The following FGF1 variants were observed in gnomAD, a reference collection of about 807,000 sequenced individuals.
FGF1 encodes fibroblast growth factor 1.
FGF1 carries 9 observed loss-of-function variants against 13.4 expected under a neutral mutation model. That is an observed-to-expected ratio of 0.67 (90% CI 0.40 to 1.17). The LOEUF is 1.17. Among genes scored for constraint, FGF1 ranks in the 50% most tolerant of loss-of-function variants. The pLI is 0.01. For synonymous variants in FGF1, 93 were observed against 79.0 expected, an observed-to-expected ratio of 1.18 and a Z score of -0.94; for missense variants, 156 against 192.7, an observed-to-expected ratio of 0.81 and a Z score of 1.13.
rs190989412 is a variant in FGF1 at position 142,609,807 on chromosome 5, G to A, written c.169+4152C>T. ...AACATTATCACATTAAAACTCCTACGTTCCTATGAGTGGGTGCTGTTGTCA... is the reference window on the plus strand; with the variant it reads ...AACATTATCACATTAAAACTCCTACATTCCTATGAGTGGGTGCTGTTGTCA... On this transcript the variant is annotated intron_variant, in intron 2 of 3. Coordinates refer to ENST00000337706, the MANE Select transcript of FGF1 (RefSeq NM_000800.5). 7.0e-4 allele frequency among the ~76,000 whole-genome samples: 106 copies of A among 152,230 alleles called. 1 individual carries two copies. In the South Asian group the frequency reaches 7.5e-3, roughly 11 times the overall value.
At chr5:142,623,485 A>G (rs1761982087) in intron 1 of FGF1, among the ~76,000 whole-genome samples, 2 of 151,972 alleles carry the variant, frequency 1.3e-5, no homozygotes, top group South Asian at 4.1e-4. Context: ...AGCTGGGATT[A>G]TAGGCACATA....
chr5:142,620,188 T>C (rs561381888), intron 1 of FGF1, among the ~76,000 whole-genome samples: 40 of 152,088 alleles, frequency 2.6e-4, no homozygotes, highest in Non-Finnish European at 5.3e-4. Context: ...GAGGCCGAGG[T>C]GGGCGGATCA....
At chr5:142,614,732 G>A (rs183129822) in intron 1 of FGF1, among the ~76,000 whole-genome samples, 10 of 152,286 alleles carry the variant, frequency 6.6e-5, no homozygotes, top group Admixed American at 5.2e-4. Context: ...GAAGCTTCTG[G>A]ATTTGCTGGG....
intron 1 of FGF1, among the ~76,000 whole-genome samples, chr5:142,628,180 C>G (rs774438580): frequency 9.2e-5 from 14 of 152,176 alleles, no homozygotes; most frequent in Non-Finnish European, 1.6e-4. Context: ...GCCTTGGTAT[C>G]TAGCATCTTC....
chr5:142,668,329 G>C (rs1418594823), intron 1 of FGF1, among the ~76,000 whole-genome samples: 2 of 152,254 alleles, frequency 1.3e-5, no homozygotes, highest in African/African-American at 4.8e-5. Context: ...TTTGAAAACT[G>C]TGACTTCCAT....
At chr5:142,615,583 A>G (rs962444204) in intron 1 of FGF1, among the ~76,000 whole-genome samples, 2 of 152,222 alleles carry the variant, frequency 1.3e-5, no homozygotes, top group East Asian at 1.9e-4. Context: ...TTGATTATCA[A>G]GTGGTCTTAG....
At chr5:142,641,254 G>A (rs1765159928) in intron 1 of FGF1, among the ~76,000 whole-genome samples, 1 of 152,010 alleles carries the variant, frequency 6.6e-6, no homozygotes, top group African/African-American at 2.4e-5. Context: ...AAAAGCCATT[G>A]AGAATTATTT....
In FGF1 at chr5:142,619,491, C is replaced by G. The variant is rs562061870; in HGVS notation, c.-34-5330G>C. Among the ~76,000 whole-genome samples the G allele has an allele frequency of 3.3e-5, 5 of 152,254 alleles. No individual in the cohort carries two copies. In the East Asian group the frequency reaches 9.7e-4, roughly 29 times the overall value. On this transcript the variant is annotated intron_variant, in intron 1 of 3. Coordinates refer to ENST00000337706, the MANE Select transcript of FGF1 (RefSeq NM_000800.5). The stretch of plus-strand genomic sequence containing the variant: ...CTTAATTCTTCCTTAGAGATATTAA[C>G]TAAATTTTGTTAAGTCAAATATACA...
intron 2 of FGF1, among the ~76,000 whole-genome samples, chr5:142,696,051 G>T (rs1161576248): frequency 6.6e-6 from 1 of 152,112 alleles, no homozygotes; most frequent in Non-Finnish European, 1.5e-5. Flanking sequence ...GGGCAATTTG[G>T]GAGCCCAGGT....
At chr5:142,612,049 A>C (rs17217317) in intron 2 of FGF1, among the ~76,000 whole-genome samples, 4,885 of 152,274 alleles carry the variant, frequency 0.032, 158 homozygotes, top group African/African-American at 0.078. Context: ...TTTTTGTACA[A>C]ATGAGAAAAG....
chr5:142,595,388 C>A lies in FGF1; in HGVS notation c.370G>T (p.Val124Phe). Residue 124 changes from valine to phenylalanine, a missense_variant, in exon 4 of 4, where the codon GTT (valine) becomes TTT (phenylalanine). Coordinates refer to ENST00000337706, the MANE Select transcript of FGF1 (RefSeq NM_000800.5). ...CAGCTCCCATTCTTCTTGAGGCCAACAAACCAATTCTTCTCTGCATGCTTC... is the reference window on the plus strand; with the variant it reads ...CAGCTCCCATTCTTCTTGAGGCCAAAAAACCAATTCTTCTCTGCATGCTTC... ...SKKHAEKNWF[V>F]GLKKNGSCKR... 2 of 1,614,084 alleles carry A rather than the reference C, an allele frequency of 1.2e-6. No homozygotes were observed. The highest frequency in any genetic ancestry group is 1.7e-6 in the Non-Finnish European group (2 of 1,179,948).
At chr5:142,646,208 C>CCCGGCTAA (rs1766053362) in intron 1 of FGF1, among the ~76,000 whole-genome samples, 2 of 54,942 alleles carry the variant, frequency 3.6e-5, no homozygotes, top group Non-Finnish European at 3.2e-5. Flanking sequence ...CGCACCTGGC[C>CCCGGCTAA]TTTTTTTTTT....
chr5:142,596,361 T>C (rs369195634), intron 3 of FGF1, among the ~76,000 whole-genome samples: 1 of 149,896 alleles, frequency 6.7e-6, no homozygotes, highest in Non-Finnish European at 1.5e-5. Flanking sequence ...TCACAACACT[T>C]TGGGAGGCTG....
chr5:142,596,172 A>C (rs772465375), intron 3 of FGF1, among the ~76,000 whole-genome samples: 1 of 152,254 alleles, frequency 6.6e-6, no homozygotes, highest in Non-Finnish European at 1.5e-5. Flanking sequence ...GAATCTTATA[A>C]ATAGATGCTA....
intron 2 of FGF1, 107 bp from the exon 3 acceptor site, chr5:142,600,912 C>A: frequency 2.7e-6 from 2 of 743,098 alleles, no homozygotes; most frequent in Admixed American, 2.2e-5. Context: ...ATTCATTTCA[C>A]GGAGCCCTCA....
intron 1 of FGF1, among the ~76,000 whole-genome samples, chr5:142,626,516 T>G (rs1762474248): frequency 6.6e-6 from 1 of 152,230 alleles, no homozygotes; most frequent in Admixed American, 6.5e-5. Flanking sequence ...GATAAGAGAA[T>G]AAAATGCCCC....
intron 1 of FGF1, among the ~76,000 whole-genome samples, chr5:142,616,014 C>G (rs1003108874): frequency 6.6e-6 from 1 of 152,214 alleles, no homozygotes; most frequent in Non-Finnish European, 1.5e-5. Flanking sequence ...CCATGCATCT[C>G]CACCTTCTCC....
At chr5:142,599,930 G>A (rs1185399699) in intron 3 of FGF1, among the ~76,000 whole-genome samples, 1 of 152,180 alleles carries the variant, frequency 6.6e-6, no homozygotes, top group Non-Finnish European at 1.5e-5. Context: ...AAGTTATTAA[G>A]CTTTCTATCC....
chr5:142,620,145 C>T (rs1003125808), intron 1 of FGF1, among the ~76,000 whole-genome samples: 30 of 151,710 alleles, frequency 2.0e-4, no homozygotes, highest in Admixed American at 1.2e-3. Context: ...CGGCTGGGCG[C>T]GGTGGCTCAC....
Sources: allele counts gnomAD v4.1 joint callset (sites outside exome capture counted in the v4.1 genomes callset), GRCh38; gene constraint gnomAD v4.1.1; transcripts MANE v1.5; gene names NCBI Gene and HGNC (gene_info 2026-07-23, HGNC 2026-07-21).